Variants in SDK2 observed in about 807,000 individuals in gnomAD.
SDK2 encodes sidekick cell adhesion molecule 2, also known as protein sidekick-2.
Under a neutral mutation model 253.9 loss-of-function variants are expected in SDK2, and 105 were observed. The ratio of observed to expected loss-of-function variants is 0.41; its 90% CI spans 0.35 to 0.49. The LOEUF is 0.49. Ranked by LOEUF, SDK2 falls within the 20% of genes least tolerant of loss-of-function variation. SDK2 has a pLI of 0.06. For synonymous variants in SDK2, 1,249 were observed against 1,234.9 expected (o/e 1.01, Z -0.24); for missense variants, 2,608 against 3,003.0 (o/e 0.87, Z 3.07).
intron 1 of SDK2, among the ~76,000 whole-genome samples, chr17:73,600,643 C>T (rs932506787): frequency 3.9e-5 from 6 of 152,322 alleles, no homozygotes; most frequent in South Asian, 2.1e-4. Flanking sequence ...TCCTGCTCTG[C>T]GACAGGGTGT....
chr17:73,490,059 C>A (rs1214266143), intron 2 of SDK2, among the ~76,000 whole-genome samples: 1 of 152,158 alleles, frequency 6.6e-6, no homozygotes, highest in Non-Finnish European at 1.5e-5. Context: ...TACACCACCA[C>A]CCCGGGCCTT....
Position 73,338,797 on chromosome 17 carries a change from C to T in SDK2, c.6309G>A (p.Thr2103=), listed in dbSNP as rs752695653. ...GGTCTGGCTCACCCGAGTCGCTCTCCGTGTAGCTGTAGGCCTGTGCCCTCG... is the reference window on the plus strand; with the variant it reads ...GGTCTGGCTCACCCGAGTCGCTCTCTGTGTAGCTGTAGGCCTGTGCCCTCG... The part of the protein sequence containing the change: ...GISRAQAYSY[T]ESDSGEPDHT... Residue 2103 remains threonine, a synonymous_variant, in exon 45 of 45, where the codon ACG becomes ACA. Coordinates refer to ENST00000392650, the MANE Select transcript of SDK2 (RefSeq NM_001144952.2). This position sits in a 1 kb window ranked among gnomAD's most constrained non-coding sequence, Gnocchi z 5.0. The T allele has an allele frequency of 3.2e-5, 51 of 1,613,794 alleles. No homozygotes were observed. Among genetic ancestry groups the T allele is most frequent in the Admixed American group, 5.0e-5 (3 of 59,986 alleles).
intron 2 of SDK2, among the ~76,000 whole-genome samples, chr17:73,479,989 G>C (rs2063711235): frequency 6.6e-6 from 1 of 152,202 alleles, no homozygotes; most frequent in South Asian, 2.1e-4. Context: ...CACTGTACCT[G>C]ACCTAAGTTT....
At chr17:73,382,846 AACAACAACAACG>A (rs67742352) in intron 33 of SDK2, among the ~76,000 whole-genome samples, 43,692 of 150,854 alleles carry the variant, frequency 0.29, 6,442 homozygotes, top group East Asian at 0.44. Context: ...TACTAACAAC[AACAACAACAACG>A]ACAACAACAA....
intron 36 of SDK2, among the ~76,000 whole-genome samples, chr17:73,376,934 C>T (rs2062786693): frequency 6.7e-6 from 1 of 149,938 alleles, no homozygotes; most frequent in Non-Finnish European, 1.5e-5. Context: ...ATCGGGACTA[C>T]CTGTATTAAT....
chr17:73,352,586 G>A lies in SDK2; in HGVS notation c.5645C>T (p.Ser1882Phe), dbSNP rs2062548780. The stretch of plus-strand genomic sequence containing the variant: ...CAGGATGTCCATGCTGAACGTGTAG[G>A]AGCTCACCTCCTTGGGGATGTCTTT... ...LIKDIPKEVS[S>F]YTFSMDILKP... Residue 1882 changes from serine (S) to phenylalanine (F), a missense_variant, in exon 41 of 45, where the codon TCC becomes TTC. Ser to Phe is a radical substitution (Grantham distance 155). Coordinates refer to ENST00000392650, the MANE Select transcript of SDK2 (RefSeq NM_001144952.2). This position sits in a 1 kb window ranked among gnomAD's most constrained non-coding sequence, Gnocchi z 4.1. 5 of 1,613,912 alleles carry A rather than the reference G, an allele frequency of 3.1e-6. No individual in the cohort carries two copies. Among genetic ancestry groups the A allele is most frequent in the Non-Finnish European group, 4.2e-6 (5 of 1,179,900 alleles).
chr17:73,368,114 G>A (rs1163943315), intron 37 of SDK2, among the ~76,000 whole-genome samples: 3 of 152,138 alleles, frequency 2.0e-5, no homozygotes, highest in Non-Finnish European at 4.4e-5. Flanking sequence ...AAGTAGGCTG[G>A]CTGGGAGGGG....
intron 31 of SDK2, 75 bp downstream of exon 31, chr17:73,386,370 C>A (rs895544016): frequency 1.9e-6 from 2 of 1,069,062 alleles, no homozygotes; most frequent in Non-Finnish European, 2.8e-6. Context: ...GGCCCCTCCC[C>A]CCGTAAGAAA....
chr17:73,448,623 G>C (rs1051487523), intron 4 of SDK2, among the ~76,000 whole-genome samples: 8 of 150,846 alleles, frequency 5.3e-5, no homozygotes, highest in South Asian at 2.1e-4. Context: ...CTTGGCCTCC[G>C]AAAGTGTTGG....
In SDK2 at chr17:73,534,068, C is replaced by T. The variant is rs2064194198; in HGVS notation, c.65-26471G>A. On this transcript the variant is annotated intron_variant, in intron 1 of 44. Coordinates refer to ENST00000392650, the MANE Select transcript of SDK2 (RefSeq NM_001144952.2). The surrounding 1 kb of genome is among the most constrained non-coding windows in gnomAD (Gnocchi z 4.9). ...CCTGCTCCTCCTCCTCCTCCTCCTT[C>T]CCCGCCTCCTCCCCTCCTCTTCCTC... is the stretch of plus-strand genomic sequence containing the variant. 6.6e-6 allele frequency among the ~76,000 whole-genome samples: 1 copy of T among 152,120 alleles called. No individual in the cohort carries two copies. The highest frequency in any genetic ancestry group is 1.5e-5 in the Non-Finnish European group (1 of 68,024).
At chr17:73,617,639 C>T (rs1433490109) in intron 1 of SDK2, among the ~76,000 whole-genome samples, 3 of 152,132 alleles carry the variant, frequency 2.0e-5, no homozygotes, top group African/African-American at 4.8e-5. Context: ...AGTGATTTAC[C>T]AACCCCCTGC....
intron 2 of SDK2, among the ~76,000 whole-genome samples, chr17:73,490,934 A>G (rs1222371749): frequency 6.6e-6 from 1 of 152,186 alleles, no homozygotes; most frequent in African/African-American, 2.4e-5. Context: ...AAAAAAGATC[A>G]GGAAACCAAG....
At chr17:73,469,744 C>T (rs1489696591) in intron 3 of SDK2, among the ~76,000 whole-genome samples, 2 of 152,120 alleles carry the variant, frequency 1.3e-5, no homozygotes, top group African/African-American at 4.8e-5. Flanking sequence ...TGAGTCTGGG[C>T]TCAGGGATTC....
chr17:73,613,922 G>T (rs1241491735), intron 1 of SDK2, among the ~76,000 whole-genome samples: 3 of 152,226 alleles, frequency 2.0e-5, no homozygotes. Context: ...AAGGACCAGT[G>T]CTCCTTAATT....
At chr17:73,591,267 T>C (rs1451597018) in intron 1 of SDK2, among the ~76,000 whole-genome samples, 1 of 152,220 alleles carries the variant, frequency 6.6e-6, no homozygotes. Flanking sequence ...CAGCTGCCAC[T>C]GGACCCTCCC....
intron 36 of SDK2, among the ~76,000 whole-genome samples, 182 bp from the exon 37 acceptor site, chr17:73,368,775 A>T (rs1247750571): frequency 1.3e-5 from 2 of 152,100 alleles, no homozygotes; most frequent in African/African-American, 2.4e-5. Context: ...TTTGGGAGGC[A>T]GAGGTGGGTG....
intron 2 of SDK2, among the ~76,000 whole-genome samples, chr17:73,475,749 G>A (rs374556505): frequency 6.6e-6 from 1 of 152,196 alleles, no homozygotes. Context: ...CAATCTCATA[G>A]TTGACTGTTA....
chr17:73,587,206 C>A (rs1249053534), intron 1 of SDK2, among the ~76,000 whole-genome samples: 1 of 152,164 alleles, frequency 6.6e-6, no homozygotes, highest in Non-Finnish European at 1.5e-5. Flanking sequence ...AGCCTGAGGT[C>A]CCCAGGCTAG....
chr17:73,484,097 C>G (rs7405988), intron 2 of SDK2, among the ~76,000 whole-genome samples: 1 of 151,906 alleles, frequency 6.6e-6, no homozygotes, highest in South Asian at 2.1e-4. Flanking sequence ...CACCGCTCCC[C>G]GCTCCTCCGG....
Sources: allele counts gnomAD v4.1 joint callset (sites outside exome capture counted in the v4.1 genomes callset), GRCh38; gene constraint gnomAD v4.1.1; non-coding constraint Gnocchi (gnomAD v3.1); transcripts MANE v1.5; gene names NCBI Gene and HGNC (gene_info 2026-07-23, HGNC 2026-07-21).